PLXDC1: variants seen among roughly 807,000 people sequenced by gnomAD.
PLXDC1 encodes plexin domain-containing protein 1.
PLXDC1 carries 39 observed loss-of-function variants against 61.3 expected under a neutral mutation model. That is an observed-to-expected ratio of 0.64 (90% CI 0.49 to 0.83). PLXDC1 has a LOEUF of 0.83. PLXDC1 is among the 40% of genes least tolerant of loss of function. The probability of loss-of-function intolerance (pLI) is 0.00; values close to 1 mark genes in which losing one functional copy is unlikely to be tolerated. For missense variants in PLXDC1, 596 were observed against 666.5 expected, an observed-to-expected ratio of 0.89 and a Z score of 1.17; for synonymous variants, 212 against 254.5, an observed-to-expected ratio of 0.83 and a Z score of 1.59.
Position 39,077,933 on chromosome 17 carries a change from A to G in PLXDC1, c.1166T>C (p.Ile389Thr). The G allele has an allele frequency of 1.2e-6, 2 of 1,614,072 alleles. No individual in the cohort carries two copies. Among genetic ancestry groups the G allele is most frequent in the Non-Finnish European group, 8.5e-7 (1 of 1,179,966 alleles). ...DLTTTSSSLF[I>T]DSLTTEDDTK... is the part of the protein sequence containing the mutation. ...CTTACCTTCTGTGGTGAGGCTGTCG[A>G]TGAAGAGGGAGGAGGAGGTAGTGGT... Residue 389 changes from isoleucine to threonine, a missense_variant, in exon 11 of 14, where the codon ATC becomes ACC. Transcript: ENST00000315392.
At chr17:39,086,426 T>C (rs1909742229) in intron 8 of PLXDC1, among the ~76,000 whole-genome samples, 1 of 152,206 alleles carries the variant, frequency 6.6e-6, no homozygotes, top group Admixed American at 6.5e-5. Flanking sequence ...TCCCTCCTTC[T>C]CTTCCTCTTC....
At position 39,108,909 on chromosome 17, in the gene PLXDC1, G is replaced by T. The variant is rs757655294; in HGVS notation, c.464C>A (p.Thr155Asn). 2 of 1,612,606 alleles carry T rather than the reference G, an allele frequency of 1.2e-6. No homozygotes were observed. Among genetic ancestry groups the T allele is most frequent in the Non-Finnish European group, 1.7e-6 (2 of 1,178,966 alleles). Residue 155 changes from threonine to asparagine, a missense_variant, in exon 4 of 14, where the codon ACT becomes AAT. Physicochemically the swap from Thr to Asn is moderately conservative, Grantham distance 65. Transcript: ENST00000315392. ...GCCCCACGACGTGGCCTTACCTCCA[G>T]TTGCTATGGTGATCTGCCGCAGAGG... ...GHPLRQITIA[T>N]GGFIFMGDVI...
intron 9 of PLXDC1, chr17:39,081,451 TAAA>T (rs35707439): frequency 1.2e-4 from 16 of 130,060 alleles, no homozygotes; most frequent in Non-Finnish European, 2.2e-4. Flanking sequence ...TCATCTCTAC[TAAA>T]AAAAAAAAAA....
At position 39,098,897 on chromosome 17, in the gene PLXDC1, C is replaced by T. The variant is rs140482586; in HGVS notation, c.811+6957G>A. Among the ~76,000 whole-genome samples, 560 of 152,244 alleles carry T rather than the reference C, an allele frequency of 3.7e-3. 3 individuals carry two copies. Among genetic ancestry groups the T allele is most frequent in the African/African-American group, 0.012 (512 of 41,540 alleles). On this transcript the variant is annotated intron_variant, in intron 7 of 13. Transcript: ENST00000315392. Reference sequence around the variant, plus strand: ...TGAGCGGAGGGAGGGTTTGGAAATGCGCCTGCGTGGTTGACTGCACCCAGC... The same window carrying T: ...TGAGCGGAGGGAGGGTTTGGAAATGTGCCTGCGTGGTTGACTGCACCCAGC...
chr17:39,129,711 G>GAAGGAAAGAAGAAAGAAAGAAAGAAA, intron 2 of PLXDC1, among the ~76,000 whole-genome samples: 1 of 108,256 alleles, frequency 9.2e-6, no homozygotes, highest in Non-Finnish European at 1.9e-5. Context: ...AAAGAAAGAA[G>GAAGGAAAGAAGAAAGAAAGAAAGAAA]GAAAGAAAGA....
rs71141767 is a variant in PLXDC1 at position 39,146,070 on chromosome 17, C to CTTTT, written c.76+5288_76+5291dup. On this transcript the variant is annotated intron_variant, in intron 1 of 13. Coordinates refer to ENST00000315392, the MANE Select transcript of PLXDC1 (RefSeq NM_020405.5). ...AATCAGGCTGCACTTCGGCCCATTC[C>CTTTT]TTTTTTTTTTTTTTTTTTGAGAGGG... 2.7e-3 allele frequency among the ~76,000 whole-genome samples: 360 copies of CTTTT among 131,196 alleles called. 2 individuals carry two copies. The highest frequency in any genetic ancestry group is 6.7e-3 in the African/African-American group (222 of 33,314). The allele number at this position is 131,196 out of a possible 152,430, so 86.1% of individuals were successfully genotyped here. A position where few individuals can be genotyped will look rare whatever the true frequency, so the allele number is the denominator to read the frequency against.
intron 2 of PLXDC1, among the ~76,000 whole-genome samples, chr17:39,112,832 T>A (rs1421601018): frequency 6.6e-6 from 1 of 152,172 alleles, no homozygotes; most frequent in Non-Finnish European, 1.5e-5. Flanking sequence ...CTGGGCTATC[T>A]TATGATCTGT....
intron 7 of PLXDC1, among the ~76,000 whole-genome samples, chr17:39,101,883 G>C (rs570224329): frequency 1.3e-5 from 2 of 152,156 alleles, no homozygotes; most frequent in Admixed American, 6.5e-5. Context: ...TGGCCCTACC[G>C]AGAGGTGGTA....
chr17:39,080,317 A>C (rs1233657168), intron 9 of PLXDC1: 1 of 152,138 alleles, frequency 6.6e-6, no homozygotes, highest in African/African-American at 2.4e-5. Context: ...GTGCTAACTG[A>C]TTCTTTCAAA....
At chr17:39,140,923 A>G (rs1911917170) in intron 1 of PLXDC1, among the ~76,000 whole-genome samples, 1 of 152,226 alleles carries the variant, frequency 6.6e-6, no homozygotes, top group Admixed American at 6.5e-5. Flanking sequence ...CATTAAATAC[A>G]TTCCTAATGT....
chr17:39,129,063 AT>A (rs1168825547), intron 2 of PLXDC1, among the ~76,000 whole-genome samples: 1 of 152,108 alleles, frequency 6.6e-6, no homozygotes, highest in East Asian at 1.9e-4. Flanking sequence ...CACGCCTGTA[AT>A]CCCAGCACTT....
chr17:39,111,086 C>G (rs1026957776), intron 2 of PLXDC1, among the ~76,000 whole-genome samples: 21 of 152,264 alleles, frequency 1.4e-4, no homozygotes, highest in African/African-American at 4.8e-4. Context: ...CCAGCCCCAG[C>G]CTCTCTCTAG....
At chr17:39,129,041 G>C (rs1295139287) in intron 2 of PLXDC1, among the ~76,000 whole-genome samples, 1 of 152,044 alleles carries the variant, frequency 6.6e-6, no homozygotes, top group African/African-American at 2.4e-5. Flanking sequence ...ACTCATGCCA[G>C]ATGCGGTGGT....
intron 3 of PLXDC1, 84 bp from the exon 4 acceptor site, chr17:39,109,057 C>G (rs1406814138): frequency 1.5e-6 from 2 of 1,308,758 alleles, no homozygotes; most frequent in Non-Finnish European, 2.2e-6. Flanking sequence ...CTTGTTTGGA[C>G]AGAGTGGGGA....
chr17:39,151,433 C>T lies in PLXDC1; in HGVS notation c.5G>A (p.Arg2Gln). The change falls in exon 1 of 14, where the codon CGA becomes CAA. Residue 2 changes from arginine (R) to glutamine (Q), a missense_variant. Transcript: ENST00000315392. The surrounding 1 kb of genome is among the most constrained non-coding windows in gnomAD (Gnocchi z 5.2). The part of the protein sequence containing the change: M[R>Q]GELWLLVLVL... Reference sequence around the variant, plus strand: ...CAGCACCAGGAGCCAGAGCTCGCCTCGCATGGTGGGTGCCCGGACCTGCCC... The same window carrying T: ...CAGCACCAGGAGCCAGAGCTCGCCTTGCATGGTGGGTGCCCGGACCTGCCC... 1 of 1,286,862 alleles carries T rather than the reference C, an allele frequency of 7.8e-7. No homozygotes were observed. Among genetic ancestry groups the T allele is most frequent in the East Asian group, 3.1e-5 (1 of 32,132 alleles). 79.7% of individuals were successfully genotyped at this position (1,286,862 alleles called of 1,614,324 possible). A position where few individuals can be genotyped will look rare whatever the true frequency, so the allele number is the denominator to read the frequency against.
chr17:39,141,233 T>C (rs1278420147), intron 1 of PLXDC1, among the ~76,000 whole-genome samples: 2 of 152,178 alleles, frequency 1.3e-5, no homozygotes, highest in Non-Finnish European at 1.5e-5. Flanking sequence ...TCTCACTATT[T>C]TGTTCAGGGT....
intron 1 of PLXDC1, among the ~76,000 whole-genome samples, chr17:39,141,726 T>C (rs1427186671): frequency 6.6e-6 from 1 of 152,238 alleles, no homozygotes; most frequent in African/African-American, 2.4e-5. Context: ...GTTTTCCATA[T>C]AAAATGTTTT....
intron 7 of PLXDC1, among the ~76,000 whole-genome samples, chr17:39,095,243 G>C (rs1358511769): frequency 6.6e-6 from 1 of 151,644 alleles, no homozygotes; most frequent in Non-Finnish European, 1.5e-5. Flanking sequence ...AGGGGGATGA[G>C]GGTGGGGGGT....
chr17:39,119,744 CA>C (rs1316809071), intron 2 of PLXDC1, among the ~76,000 whole-genome samples: 2 of 151,554 alleles, frequency 1.3e-5, no homozygotes, highest in Non-Finnish European at 2.9e-5. Context: ...GACCCTGTCT[CA>C]AAAAAAATTT....
Sources: gnomAD v4.1 joint callset for allele counts (sites outside exome capture counted in the v4.1 genomes callset) on GRCh38, gnomAD v4.1.1 for gene constraint, Gnocchi (gnomAD v3.1) non-coding constraint, MANE v1.5 for transcripts, NCBI Gene and HGNC (gene_info 2026-07-23, HGNC 2026-07-21) for gene names.